The following MGAT4C variants were observed in gnomAD, a reference collection of about 807,000 sequenced individuals.
MGAT4C encodes MGAT4 family member C, also known as alpha-1,3-mannosyl-glycoprotein 4-beta-N-acetylglucosaminyltransferase C.
Under a neutral mutation model 40.1 loss-of-function variants are expected in MGAT4C, and 19 were observed. The ratio of observed to expected loss-of-function variants is 0.47; its 90% CI spans 0.33 to 0.70. MGAT4C has a LOEUF of 0.70. Among genes scored for constraint, MGAT4C ranks in the 30% least tolerant of loss-of-function variants. MGAT4C has a pLI of 0.02. For synonymous variants in MGAT4C, 181 were observed against 187.1 expected (o/e 0.97, Z 0.27); for missense variants, 491 against 563.2 (o/e 0.87, Z 1.30).
intron 1 of MGAT4C, among the ~76,000 whole-genome samples, chr12:86,813,995 C>A (rs1952531951): frequency 6.6e-6 from 1 of 151,748 alleles, no homozygotes; most frequent in African/African-American, 2.4e-5. Context: ...ACTGCAACCT[C>A]CGCCACCCAG....
chr12:86,516,429 A>G (rs1219844602), intron 2 of MGAT4C, among the ~76,000 whole-genome samples: 1 of 152,198 alleles, frequency 6.6e-6, no homozygotes, highest in Non-Finnish European at 1.5e-5. Flanking sequence ...AACTCACAAC[A>G]TATCCAAAAA....
At chr12:86,656,424 C>T (rs922321974) in intron 2 of MGAT4C, among the ~76,000 whole-genome samples, 14 of 152,070 alleles carry the variant, frequency 9.2e-5, no homozygotes, top group African/African-American at 3.1e-4. Flanking sequence ...AGAAGAGATA[C>T]TGGAGACATG....
chr12:86,323,982 T>C (rs927596875), intron 4 of MGAT4C, among the ~76,000 whole-genome samples: 20 of 151,986 alleles, frequency 1.3e-4, no homozygotes, highest in Admixed American at 1.2e-3. Context: ...ATATAAGCTA[T>C]TACGAATCAA....
chr12:86,269,597 G>C (rs377619851), intron 4 of MGAT4C, among the ~76,000 whole-genome samples: 1 of 151,246 alleles, frequency 6.6e-6, no homozygotes, highest in East Asian at 1.9e-4. Flanking sequence ...GTGTAGAAGA[G>C]ATCTCCAGTA....
At chr12:86,331,303 G>A (rs1306021470) in intron 4 of MGAT4C, among the ~76,000 whole-genome samples, 1 of 152,102 alleles carries the variant, frequency 6.6e-6, no homozygotes, top group Non-Finnish European at 1.5e-5. Flanking sequence ...TGGCCTGCTA[G>A]CACTTGGGAG....
At chr12:86,780,631 G>C (rs1286392142) in intron 1 of MGAT4C, among the ~76,000 whole-genome samples, 1 of 152,068 alleles carries the variant, frequency 6.6e-6, no homozygotes, top group Admixed American at 6.6e-5. Context: ...GCCATGCTTC[G>C]TGTACAGCCT....
chr12:86,029,975 G>A (rs1039862175), intron 2 of MGAT4C, among the ~76,000 whole-genome samples: 12 of 151,804 alleles, frequency 7.9e-5, no homozygotes, highest in Middle Eastern at 3.4e-3. Context: ...ATTGACTTAG[G>A]CAAATGCCTA....
intron 2 of MGAT4C, among the ~76,000 whole-genome samples, chr12:86,465,980 G>A (rs1394327028): frequency 6.6e-6 from 1 of 152,080 alleles, no homozygotes; most frequent in Non-Finnish European, 1.5e-5. Flanking sequence ...AGGCCAAGGT[G>A]GGCAGATTGC....
chr12:86,375,539 A>T (rs897315546), intron 3 of MGAT4C, among the ~76,000 whole-genome samples: 3 of 152,092 alleles, frequency 2.0e-5, no homozygotes, highest in Admixed American at 6.5e-5. Flanking sequence ...TAGAGAAGGA[A>T]AAAGAGGAAT....
intron 1 of MGAT4C, among the ~76,000 whole-genome samples, chr12:86,827,047 CA>C (rs1165981896): frequency 6.6e-6 from 1 of 151,240 alleles, no homozygotes; most frequent in African/African-American, 2.4e-5. Context: ...AATAGACACA[CA>C]GAAAAATTGA....
intron 1 of MGAT4C, among the ~76,000 whole-genome samples, chr12:86,786,691 A>G (rs992294559): frequency 6.6e-6 from 1 of 152,024 alleles, no homozygotes; most frequent in African/African-American, 2.4e-5. Flanking sequence ...TTTTGAAGAC[A>G]TCTCTTCTTG....
At chr12:86,610,405 C>A (rs920039038) in intron 2 of MGAT4C, among the ~76,000 whole-genome samples, 1 of 152,022 alleles carries the variant, frequency 6.6e-6, no homozygotes, top group African/African-American at 2.4e-5. Context: ...GGAATGTATG[C>A]GCCATGCAAA....
intron 2 of MGAT4C, among the ~76,000 whole-genome samples, chr12:86,471,096 T>C (rs1485889682): frequency 2.6e-5 from 4 of 152,048 alleles, no homozygotes; most frequent in Admixed American, 2.6e-4. Flanking sequence ...ACTGTTGACA[T>C]ATCTAAAAGA....
intron 1 of MGAT4C, among the ~76,000 whole-genome samples, chr12:86,183,772 A>ATC (rs555402189): frequency 5.9e-5 from 9 of 152,060 alleles, no homozygotes; most frequent in Admixed American, 2.6e-4. Flanking sequence ...AGAGAGATAA[A>ATC]TCTCTCTCTC....
At chr12:86,203,014 C>CTGTGTGTGTGTG (rs10587166) in intron 1 of MGAT4C, among the ~76,000 whole-genome samples, 33 of 147,488 alleles carry the variant, frequency 2.2e-4, no homozygotes, top group South Asian at 2.1e-3. Flanking sequence ...TCACATTTTC[C>CTGTGTGTGTGTG]TGTGTGTGTG....
intron 1 of MGAT4C, among the ~76,000 whole-genome samples, chr12:86,082,699 T>C (rs1871064252): frequency 6.6e-6 from 1 of 152,240 alleles, no homozygotes; most frequent in South Asian, 2.1e-4. Context: ...AACTTTTCTC[T>C]CCATAAAATA....
chr12:86,322,417 G>A (rs994300539), intron 4 of MGAT4C, among the ~76,000 whole-genome samples: 1 of 150,870 alleles, frequency 6.6e-6, no homozygotes, highest in Admixed American at 6.6e-5. Flanking sequence ...TAAACCATTG[G>A]TTTAGCTATT....
At chr12:86,230,824 ACT>A (rs1182274507) in intron 1 of MGAT4C, among the ~76,000 whole-genome samples, 2 of 151,470 alleles carry the variant, frequency 1.3e-5, no homozygotes, top group Admixed American at 1.3e-4. Context: ...AGCAAGGATG[ACT>A]CTGGAAATTT....
intron 3 of MGAT4C, among the ~76,000 whole-genome samples, chr12:86,384,821 CCTCT>C (rs764680076): frequency 1.2e-4 from 18 of 152,220 alleles, no homozygotes; most frequent in Non-Finnish European, 2.4e-4. Flanking sequence ...TCTTCTACTC[CCTCT>C]TCAGATGGCC....
Sources: allele counts gnomAD v4.1 joint callset (sites outside exome capture counted in the v4.1 genomes callset), GRCh38; gene constraint gnomAD v4.1.1; transcripts MANE v1.5; gene names NCBI Gene and HGNC (gene_info 2026-07-23, HGNC 2026-07-21).